The following TCAIM variants were observed in gnomAD, a reference collection of about 807,000 sequenced individuals.
The protein encoded by TCAIM is T cell activation inhibitor, mitochondrial, also known as T-cell activation inhibitor, mitochondrial.
A neutral mutation model predicts 58.6 loss-of-function variants in TCAIM; 36 were observed. The ratio of observed to expected loss-of-function variants is 0.61; its 90% confidence interval spans 0.47 to 0.81. The LOEUF is 0.81. Ranked by LOEUF, TCAIM falls within the 30% of genes least tolerant of loss-of-function variation. The pLI, the probability that TCAIM is intolerant of heterozygous loss-of-function variation, is 0.00. For synonymous variants in TCAIM, 172 were observed against 193.6 expected, an observed-to-expected ratio of 0.89 and a Z score of 0.93; for missense variants, 466 against 579.6, an observed-to-expected ratio of 0.80 and a Z score of 2.01.
chr3:44,376,687 G>A (rs1243471985), intron 5 of TCAIM, among the ~76,000 whole-genome samples: 1 of 152,164 alleles, frequency 6.6e-6, no homozygotes. Flanking sequence ...AAGACACATG[G>A]AAAATAAATA....
chr3:44,340,166 A>G (rs1420471668), intron 1 of TCAIM: 4 of 152,230 alleles, frequency 2.6e-5, no homozygotes, highest in Admixed American at 6.5e-5. Flanking sequence ...CTCTGAAGCA[A>G]TGTGTCTTCA....
chr3:44,348,246 C>T (rs548480384), intron 1 of TCAIM, among the ~76,000 whole-genome samples: 1 of 152,278 alleles, frequency 6.6e-6, no homozygotes, highest in Non-Finnish European at 1.5e-5. Flanking sequence ...TGTGATGGTC[C>T]AGGAGGCTTC....
At chr3:44,363,919 T>A (rs1489968801) in intron 4 of TCAIM, among the ~76,000 whole-genome samples, 1 of 129,794 alleles carries the variant, frequency 7.7e-6, no homozygotes, top group East Asian at 2.4e-4. Context: ...AGCAAGTCTG[T>A]CTTTTTTTTT....
intron 1 of TCAIM, among the ~76,000 whole-genome samples, chr3:44,348,383 C>T (rs539595137): frequency 2.0e-5 from 3 of 151,350 alleles, no homozygotes; most frequent in Non-Finnish European, 4.4e-5. Flanking sequence ...TTGGACAGTC[C>T]GATTTCCAGT....
intron 1 of TCAIM, among the ~76,000 whole-genome samples, chr3:44,348,551 G>A (rs1341276106): frequency 6.6e-6 from 1 of 152,212 alleles, no homozygotes; most frequent in Non-Finnish European, 1.5e-5. Flanking sequence ...TGAAGTTCTT[G>A]TGTGCTGGAG....
intron 5 of TCAIM, chr3:44,368,008 A>G (rs1559568938): frequency 3.7e-6 from 1 of 273,354 alleles, no homozygotes; most frequent in Admixed American, 4.8e-5. Flanking sequence ...TAAAAATTCT[A>G]TTCAAGTTAC....
At chr3:44,382,026 T>TAA (rs1183653678) in intron 5 of TCAIM, among the ~76,000 whole-genome samples, 1 of 152,200 alleles carries the variant, frequency 6.6e-6, no homozygotes, top group Non-Finnish European at 1.5e-5. Context: ...GATCAGAAGA[T>TAA]AATATTACTA....
At position 44,394,185 on chromosome 3, in the gene TCAIM, G is replaced by A. The variant is rs147900380; in HGVS notation, c.695+1208G>A. Among the ~76,000 whole-genome samples the A allele has an allele frequency of 4.1e-3, 623 of 152,224 alleles. 9 individuals are homozygous for A. The highest frequency in any genetic ancestry group is 0.014 in the African/African-American group (595 of 41,526). On this transcript the variant is annotated intron_variant, in intron 6 of 10. Transcript: ENST00000342649. Reference sequence around the variant, plus strand: ...TTTTTTCCTGTGTTTACAGAGTACAGATAGTATTTACATGTTCTGTTCTTG... The same window carrying A: ...TTTTTTCCTGTGTTTACAGAGTACAAATAGTATTTACATGTTCTGTTCTTG...
intron 5 of TCAIM, among the ~76,000 whole-genome samples, chr3:44,375,148 A>G (rs1225072632): frequency 1.3e-5 from 2 of 152,210 alleles, no homozygotes; most frequent in Non-Finnish European, 2.9e-5. Context: ...TTATAACAAT[A>G]CATGTAATAT....
chr3:44,387,342 CAAG>C (rs1234955259), intron 5 of TCAIM, among the ~76,000 whole-genome samples: 1 of 152,222 alleles, frequency 6.6e-6, no homozygotes, highest in African/African-American at 2.4e-5. Context: ...GGACATGGGA[CAAG>C]AACTTGTGAA....
At chr3:44,358,698 C>T (rs1701244845) in intron 3 of TCAIM, 2 of 983,754 alleles carry the variant, frequency 2.0e-6, no homozygotes, top group African/African-American at 1.8e-5. Context: ...GGTCCTGGAA[C>T]CAATCCCCTA....
intron 5 of TCAIM, among the ~76,000 whole-genome samples, chr3:44,369,203 C>G (rs1303290577): frequency 6.6e-6 from 1 of 152,172 alleles, no homozygotes; most frequent in Non-Finnish European, 1.5e-5. Context: ...GCCTTGCCTT[C>G]AAGTTTTATG....
chr3:44,379,860 C>T (rs1334763419), intron 5 of TCAIM, among the ~76,000 whole-genome samples: 1 of 151,932 alleles, frequency 6.6e-6, no homozygotes, highest in Non-Finnish European at 1.5e-5. Context: ...CATGTACTCC[C>T]AAATCTAAAA....
In TCAIM at chr3:44,407,709, GA is replaced by G. The variant is rs754510186; in HGVS notation, c.*28del. The G allele has an allele frequency of 2.6e-6, 4 of 1,547,570 alleles. No individual in the cohort carries two copies. In the African/African-American group the frequency reaches 5.6e-5, roughly 22 times the overall value. On this transcript the variant is annotated 3_prime_UTR_variant, in exon 11 of 11. Transcript: ENST00000342649. ...ACAGAAATCTGTTTTATTTTTTTAAGAGATAAGAAAGGAACTTAAATTAAAA... is the reference window on the plus strand; with the variant it reads ...ACAGAAATCTGTTTTATTTTTTTAAGGATAAGAAAGGAACTTAAATTAAAA...
chr3:44,361,254 A>T, intron 3 of TCAIM, 111 bp from the exon 4 acceptor site: 1 of 950,426 alleles, frequency 1.1e-6, no homozygotes, highest in Non-Finnish European at 1.5e-6. Context: ...CAACATTTTT[A>T]AATACTAAAT....
At chr3:44,387,447 T>C (rs1201978596) in intron 5 of TCAIM, among the ~76,000 whole-genome samples, 2 of 152,234 alleles carry the variant, frequency 1.3e-5, no homozygotes, top group African/African-American at 4.8e-5. Flanking sequence ...TGACACCCTC[T>C]TTGGGACCCC....
chr3:44,372,954 C>T (rs1268230927), intron 5 of TCAIM, among the ~76,000 whole-genome samples: 4 of 152,028 alleles, frequency 2.6e-5, no homozygotes, highest in African/African-American at 4.8e-5. Context: ...TGTTTCTGAG[C>T]ACTATGTTAA....
intron 5 of TCAIM, among the ~76,000 whole-genome samples, chr3:44,372,899 T>C (rs915040978): frequency 6.6e-6 from 1 of 152,158 alleles, no homozygotes; most frequent in African/African-American, 2.4e-5. Context: ...CGGCCCAAAA[T>C]TTTCTTTTTA....
Position 44,350,160 on chromosome 3 carries a change from A to C in TCAIM, c.-44-4579A>C, listed in dbSNP as rs529459341. Reference sequence around the variant, plus strand: ...AGGGAGTTAGGGGTGGGGCAGTTTTATAGGATTTGGGTAGGTAGTGAAAAA... The same window carrying C: ...AGGGAGTTAGGGGTGGGGCAGTTTTCTAGGATTTGGGTAGGTAGTGAAAAA... On this transcript the variant is annotated intron_variant, in intron 1 of 10. Transcript: ENST00000342649. Among the ~76,000 whole-genome samples the C allele has an allele frequency of 4.3e-4, 66 of 152,076 alleles. No individual in the cohort carries two copies. In the East Asian group the frequency reaches 0.011, roughly 25 times the overall value.
Sources: allele counts gnomAD v4.1 joint callset (sites outside exome capture counted in the v4.1 genomes callset), GRCh38; gene constraint gnomAD v4.1.1; transcripts MANE v1.5; gene names NCBI Gene and HGNC (gene_info 2026-07-23, HGNC 2026-07-21).